The following CTSA variants were observed in gnomAD, a reference collection of about 807,000 sequenced individuals.
CTSA encodes lysosomal protective protein.
CTSA carries 42 observed loss-of-function variants against 66.7 expected under a neutral mutation model. That is an observed-to-expected ratio of 0.63 (90% confidence interval 0.49 to 0.81). The LOEUF is 0.81. CTSA is among the 40% of genes least tolerant of loss of function. CTSA has a pLI of 0.00. For synonymous variants in CTSA, 225 were observed against 248.6 expected (o/e 0.91, Z 0.89); for missense variants, 525 against 610.9 (o/e 0.86, Z 1.48).
In CTSA at chr20:45,892,285, G is replaced by A. The variant is rs886056713; in HGVS notation, c.319G>A (p.Gly107Ser). 7 of 1,613,934 alleles carry A rather than the reference G, an allele frequency of 4.3e-6. No homozygotes were observed. The highest frequency in any genetic ancestry group is 5.9e-6 in the Non-Finnish European group (7 of 1,180,024). ...EHGPFLVQPD[G>S]VTLEYNPYSW... Reference sequence around the variant, plus strand: ...CTTTCCTCCTCAGGTCCAGCCAGATGGTGTCACCCTGGAGTACAACCCCTA... The same window carrying A: ...CTTTCCTCCTCAGGTCCAGCCAGATAGTGTCACCCTGGAGTACAACCCCTA... Residue 107 changes from glycine to serine, a missense_variant, in exon 4 of 15, where the codon GGT becomes AGT. By Grantham distance (56) the Gly-to-Ser change is moderately conservative (BLOSUM62 0). Transcript: ENST00000646241.
chr20:45,891,589 G>C lies in CTSA; in HGVS notation c.21G>C (p.Pro7=). The change falls in exon 2 of 15, where the codon CCG becomes CCC. Residue 7 remains proline (P), a synonymous_variant. Coordinates refer to ENST00000646241, the MANE Select transcript of CTSA (RefSeq NM_000308.4). The surrounding 1 kb of genome is among the most constrained non-coding windows in gnomAD (Gnocchi z 4.6). Reference sequence around the variant, plus strand: ...CGTAGATGATCCGAGCCGCGCCGCCGCCGCTGTTCCTGCTGCTGCTGCTGC... The same window carrying C: ...CGTAGATGATCCGAGCCGCGCCGCCCCCGCTGTTCCTGCTGCTGCTGCTGC... MIRAAP[P]PLFLLLLLLL... is the part of the protein sequence containing the mutation. 6.3e-7 allele frequency: 1 copy of C among 1,577,390 alleles called. No individual in the cohort carries two copies. Among genetic ancestry groups the C allele is most frequent in the Non-Finnish European group, 8.5e-7 (1 of 1,169,618 alleles).
Position 45,892,463 on chromosome 20 carries a change from T to A in CTSA, c.423T>A (p.Phe141Leu), listed in dbSNP as rs777378991. The stretch of plus-strand genomic sequence containing the variant: ...GCTTCTCCTACTCCGATGACAAGTT[T>A]TATGCAACTAATGACACTGAGGTGA... ...GVGFSYSDDK[F>L]YATNDTEVAQ... is the part of the protein sequence containing the mutation. The change falls in exon 5 of 15, where the codon TTT (phenylalanine) becomes TTA (leucine). Residue 141 changes from phenylalanine (F) to leucine (L), a missense_variant. Coordinates refer to ENST00000646241, the MANE Select transcript of CTSA (RefSeq NM_000308.4). 1 of 1,614,160 alleles carries A rather than the reference T, an allele frequency of 6.2e-7. No individual in the cohort carries two copies.
intron 7 of CTSA, 34 bp from the exon 8 acceptor site, chr20:45,893,954 C>A (rs757577137): frequency 2.2e-6 from 3 of 1,376,756 alleles, no homozygotes; most frequent in Non-Finnish European, 3.1e-6. Flanking sequence ...TTCCCACCAG[C>A]AGCTGATGCG....
Position 45,892,014 on chromosome 20 carries a change from A to G in CTSA, c.293A>G (p.His98Arg). ...TCACTAGATGGGCTCCTCACAGAGC[A>G]TGGCCCCTTCCTGGTGAGTGGACAG... Reference protein sequence around the residue: ...CSSLDGLLTEHGPFLVQPDGV... With the variant: ...CSSLDGLLTERGPFLVQPDGV... Residue 98 changes from histidine (H) to arginine (R), a missense_variant, in exon 3 of 15, where the codon CAT becomes CGT. His to Arg is a conservative substitution (Grantham distance 29). Transcript: ENST00000646241. 6.2e-7 allele frequency: 1 copy of G among 1,613,974 alleles called. No homozygotes were observed. Among genetic ancestry groups the G allele is most frequent in the Non-Finnish European group, 8.5e-7 (1 of 1,179,868 alleles).
rs562182818 is a variant in CTSA at position 45,891,620 on chromosome 20, CTG to C, written c.53_54del (p.Leu18ProfsTer121). 1.0e-2 allele frequency: 16,038 copies of C among 1,610,524 alleles called. 732 individuals are homozygous for C. The East Asian group carries it at 0.14, about 14-fold the overall frequency. On this transcript the variant is annotated frameshift_variant, in exon 2 of 15. Coordinates refer to ENST00000646241, the MANE Select transcript of CTSA (RefSeq NM_000308.4). LOFTEE classifies it high-confidence loss of function. This position sits in a 1 kb window ranked among gnomAD's most constrained non-coding sequence, Gnocchi z 4.6. ...PLFLLLLLLL[L>X]LVSWASRGEA... Reference sequence around the variant, plus strand: ...GTTCCTGCTGCTGCTGCTGCTGCTGCTGCTAGTGTCCTGGGCGTCCCGAGGCG... The same window carrying C: ...GTTCCTGCTGCTGCTGCTGCTGCTGCCTAGTGTCCTGGGCGTCCCGAGGCG...
chr20:45,898,232 A>C lies in CTSA; in HGVS notation c.1359+123A>C, dbSNP rs1813662090. 1 of 1,350,104 alleles carries C rather than the reference A, an allele frequency of 7.4e-7. No individual in the cohort carries two copies. The highest frequency in any genetic ancestry group is 1.0e-6 in the Non-Finnish European group (1 of 959,308). 83.6% of individuals were successfully genotyped at this position (1,350,104 alleles called of 1,614,324 possible). ...GTCACCATCTGGCCCCTGTATGGGC[A>C]AGTTTTTTTGGAGAGGGGTGGGGAG... On this transcript the variant is annotated intron_variant, in intron 14 of 14. Coordinates refer to ENST00000646241, the MANE Select transcript of CTSA (RefSeq NM_000308.4). The surrounding 1 kb of genome is among the most constrained non-coding windows in gnomAD (Gnocchi z 4.6).
chr20:45,892,934 G>A, intron 6 of CTSA, 54 bp downstream of exon 6: 1 of 1,598,228 alleles, frequency 6.3e-7, no homozygotes, highest in African/African-American at 1.3e-5. Context: ...TGGCCTTACA[G>A]TTAGCAAGGT....
intron 3 of CTSA, 86 bp from the exon 4 acceptor site, chr20:45,892,187 C>T: frequency 6.7e-7 from 1 of 1,490,236 alleles, no homozygotes; most frequent in Non-Finnish European, 9.4e-7. Context: ...GAGGTTTTAC[C>T]CACATGTAAA....
At position 45,893,304 on chromosome 20, in the gene CTSA, G is replaced by C. The variant is rs1987072114; in HGVS notation, c.685G>C (p.Gly229Arg). 6.2e-7 allele frequency: 1 copy of C among 1,613,296 alleles called. No individual in the cohort carries two copies. The highest frequency in any genetic ancestry group is 1.1e-5 in the South Asian group (1 of 91,058). Residue 229 changes from glycine (G) to arginine (R), a missense_variant, in exon 7 of 15, where the codon GGG becomes CGG. Physicochemically the swap from Gly to Arg is moderately radical, Grantham distance 125. Transcript: ENST00000646241. ...VYFAYYHGLLGNRLWSSLQTH... is the reference protein window; with the variant it reads ...VYFAYYHGLLRNRLWSSLQTH... ...CTTTGCCTACTACCATGGCCTTCTGGGGAACAGGTATGGGATAGGGCAGTT... is the reference window on the plus strand; with the variant it reads ...CTTTGCCTACTACCATGGCCTTCTGCGGAACAGGTATGGGATAGGGCAGTT...
intron 8 of CTSA, 159 bp downstream of exon 8, chr20:45,894,231 T>C: frequency 1.4e-6 from 1 of 700,314 alleles, no homozygotes; most frequent in Non-Finnish European, 2.6e-6. Context: ...AAGTGTGTAT[T>C]CCCACCACCA....
At position 45,891,836 on chromosome 20, in the gene CTSA, C is replaced by G; in HGVS notation, c.194+74C>G. ...GAGGGATGGGGGGTAGTTCTGCAGACCCCTGAGGATGCCTGGGAGCCGGGA... is the reference window on the plus strand; with the variant it reads ...GAGGGATGGGGGGTAGTTCTGCAGAGCCCTGAGGATGCCTGGGAGCCGGGA... On this transcript the variant is annotated intron_variant, in intron 2 of 14. Coordinates refer to ENST00000646241, the MANE Select transcript of CTSA (RefSeq NM_000308.4). The surrounding 1 kb of genome is among the most constrained non-coding windows in gnomAD (Gnocchi z 4.6). The G allele has an allele frequency of 1.2e-6, 2 of 1,609,168 alleles. No individual in the cohort carries two copies. The highest frequency in any genetic ancestry group is 1.7e-6 in the Non-Finnish European group (2 of 1,175,620).
chr20:45,893,057 C>A, intron 6 of CTSA, 163 bp from the exon 7 acceptor site: 1 of 927,304 alleles, frequency 1.1e-6, no homozygotes, highest in Non-Finnish European at 1.7e-6. Flanking sequence ...ACCTGTCAGG[C>A]TGCCAGCTCT....
Position 45,891,531 on chromosome 20 carries a change from G to A in CTSA, c.1-38G>A, listed in dbSNP as rs750393087. 5.1e-6 allele frequency: 8 copies of A among 1,577,806 alleles called. No individual in the cohort carries two copies. In the African/African-American group the frequency reaches 5.4e-5, roughly 11 times the overall value. On this transcript the variant is annotated intron_variant, in intron 1 of 14. Transcript: ENST00000646241. The surrounding 1 kb of genome is among the most constrained non-coding windows in gnomAD (Gnocchi z 4.6). ...CCGGGGGCTGCTGCACGGAAGCGCT[G>A]AGGAGCGAGTCAACAGCCCCTCTGC...
chr20:45,897,847 G>A lies in CTSA; in HGVS notation c.1254+41G>A, dbSNP rs396980. ...CTGGCCCTGGGATAGGGGCTGCTGT[G>A]GAGGATTGGGAGCGGGTATGCCTGG... is the stretch of plus-strand genomic sequence containing the variant. On this transcript the variant is annotated intron_variant, in intron 13 of 14. Coordinates refer to ENST00000646241, the MANE Select transcript of CTSA (RefSeq NM_000308.4). 1.1e-4 allele frequency: 168 copies of A among 1,526,626 alleles called. No individual in the cohort carries two copies. The African/African-American group carries it at 2.2e-3, about 20-fold the overall frequency. The allele number at this position is 1,526,626 out of a possible 1,614,324, so 94.6% of individuals were successfully genotyped here. A position where few individuals can be genotyped will look rare whatever the true frequency, so the allele number is the denominator to read the frequency against.
intron 12 of CTSA, 198 bp from the exon 13 acceptor site, chr20:45,897,519 T>A: frequency 1.7e-6 from 1 of 576,908 alleles, no homozygotes; most frequent in South Asian, 2.0e-5. Flanking sequence ...ATGGGGATAA[T>A]AATGATATCT....
In CTSA at chr20:45,894,977, C is replaced by T. The variant is rs904654030; in HGVS notation, c.949-17C>T. 1.9e-6 allele frequency: 3 copies of T among 1,614,054 alleles called. No homozygotes were observed. Among genetic ancestry groups the T allele is most frequent in the Non-Finnish European group, 2.5e-6 (3 of 1,180,018 alleles). On this transcript the variant is annotated splice_polypyrimidine_tract_variant and intron_variant, in intron 10 of 14. Coordinates refer to ENST00000646241, the MANE Select transcript of CTSA (RefSeq NM_000308.4). ...GCAGGGAAGCAGAGGCCCTGACCCACTGTCTGTGCCTTCCAGGCACTGCTG... is the reference window on the plus strand; with the variant it reads ...GCAGGGAAGCAGAGGCCCTGACCCATTGTCTGTGCCTTCCAGGCACTGCTG...
chr20:45,894,109 T>G (rs1474211947), intron 8 of CTSA, 37 bp downstream of exon 8: 3 of 1,389,422 alleles, frequency 2.2e-6, no homozygotes, highest in Middle Eastern at 3.6e-4. Flanking sequence ...AGCTCTCCCA[T>G]CCCTAATCCT....
In CTSA at chr20:45,891,420, G is replaced by C; in HGVS notation, c.-1+41G>C. On this transcript the variant is annotated intron_variant, in intron 1 of 14. Transcript: ENST00000646241. The surrounding 1 kb of genome is among the most constrained non-coding windows in gnomAD (Gnocchi z 4.6). ...AGGCTGGAGGGGATCCCCGAGCCCG[G>C]GATCGGTGCGCGGCAGAGGAGGCTC... The C allele has an allele frequency of 1.3e-6, 2 of 1,554,094 alleles. No individual in the cohort carries two copies. Among genetic ancestry groups the C allele is most frequent in the East Asian group, 2.4e-5 (1 of 41,478 alleles).
intron 7 of CTSA, 130 bp from the exon 8 acceptor site, chr20:45,893,858 C>T (rs1987098311): frequency 1.3e-6 from 1 of 746,932 alleles, no homozygotes. Context: ...ACATACAGAC[C>T]ACACCCTGTG....
Sources: gnomAD v4.1 joint callset for allele counts on GRCh38, gnomAD v4.1.1 for gene constraint, Gnocchi (gnomAD v3.1) non-coding constraint, MANE v1.5 for transcripts, NCBI Gene and HGNC (gene_info 2026-07-23, HGNC 2026-07-21) for gene names.